The following TCF4 variants were observed in gnomAD, a reference collection of about 807,000 sequenced individuals.
TCF4 encodes the protein SL3-3 enhancer factor 2.
A neutral mutation model predicts 82.1 loss-of-function variants in TCF4; 3 were observed. The observed-to-expected ratio is 0.04, with a 90% confidence interval of 0.02 to 0.09. The LOEUF (loss-of-function observed/expected upper bound fraction) is 0.09. TCF4 is among the 10% of genes least tolerant of loss of function. The pLI is 1.00. For synonymous variants in TCF4, 276 were observed against 309.6 expected (o/e 0.89, Z 1.14); for missense variants, 518 against 852.7 (o/e 0.61, Z 4.89).
intron 3 of TCF4, among the ~76,000 whole-genome samples, chr18:55,549,812 G>C (rs550375096): frequency 2.0e-5 from 3 of 152,106 alleles, no homozygotes; most frequent in Non-Finnish European, 4.4e-5. Flanking sequence ...CTCCATTATA[G>C]TCTTATGGGA....
chr18:55,611,587 T>A (rs1040862885), intron 2 of TCF4, among the ~76,000 whole-genome samples: 4 of 152,316 alleles, frequency 2.6e-5, no homozygotes, highest in South Asian at 4.1e-4. Flanking sequence ...CCAGTAGGAT[T>A]TAAATCAGTG....
chr18:55,597,547 TC>T (rs1364754930), intron 2 of TCF4, among the ~76,000 whole-genome samples: 2 of 151,634 alleles, frequency 1.3e-5, no homozygotes, highest in East Asian at 3.9e-4. Context: ...TGTGCCTGTA[TC>T]CCCAGCTACT....
At chr18:55,350,616 A>G (rs1018244670) in intron 7 of TCF4, among the ~76,000 whole-genome samples, 7 of 152,108 alleles carry the variant, frequency 4.6e-5, no homozygotes, top group African/African-American at 1.7e-4. Flanking sequence ...TGCTACTTTG[A>G]TCTTTTAATA....
chr18:55,615,403 G>A (rs747122494), intron 2 of TCF4, among the ~76,000 whole-genome samples: 10 of 151,680 alleles, frequency 6.6e-5, no homozygotes, highest in Non-Finnish European at 1.5e-4. Context: ...CCTGAACCTG[G>A]CTAAACTCAA....
chr18:55,578,274 A>G (rs1170877609), intron 3 of TCF4, among the ~76,000 whole-genome samples: 3 of 152,092 alleles, frequency 2.0e-5, no homozygotes, highest in Non-Finnish European at 2.9e-5. Flanking sequence ...TTCCCTTCTT[A>G]AGAAATATAC....
intron 5 of TCF4, among the ~76,000 whole-genome samples, chr18:55,413,631 C>G (rs957007106): frequency 1.3e-5 from 2 of 151,940 alleles, no homozygotes; most frequent in East Asian, 3.9e-4. Context: ...CTCTCAATGA[C>G]TGAATCTAGG....
chr18:55,394,772 T>C (rs922972407), intron 6 of TCF4, among the ~76,000 whole-genome samples: 13 of 152,186 alleles, frequency 8.5e-5, no homozygotes, highest in South Asian at 2.1e-4. Context: ...ACGCTGAACA[T>C]GAAAGGTCCA....
intron 3 of TCF4, among the ~76,000 whole-genome samples, chr18:55,525,140 T>C (rs1000288470): frequency 1.3e-5 from 2 of 152,080 alleles, no homozygotes; most frequent in African/African-American, 4.8e-5. Context: ...TCTTAACTAC[T>C]ATATCAGATT....
chr18:55,476,858 T>G (rs1466023052), intron 3 of TCF4, among the ~76,000 whole-genome samples: 3 of 152,206 alleles, frequency 2.0e-5, no homozygotes, highest in Admixed American at 6.5e-5. Context: ...ACAATTCCAC[T>G]TCAGCCAAAT....
chr18:55,253,947 G>T (rs186503767), intron 15 of TCF4, among the ~76,000 whole-genome samples: 1 of 152,238 alleles, frequency 6.6e-6, no homozygotes. Flanking sequence ...ACTTAAACAT[G>T]AATATTTATA....
At chr18:55,386,359 G>A (rs945832889) in intron 6 of TCF4, among the ~76,000 whole-genome samples, 30 of 152,112 alleles carry the variant, frequency 2.0e-4, no homozygotes, top group African/African-American at 6.0e-4. Context: ...AGACCATTTC[G>A]TATTCTTTAC....
intron 5 of TCF4, among the ~76,000 whole-genome samples, chr18:55,424,532 T>TAAAACAAAACAAACAAAAAGCAC (rs1393757413): frequency 6.6e-5 from 10 of 152,192 alleles, no homozygotes; most frequent in African/African-American, 2.4e-4. Flanking sequence ...TTCCTTTCTT[T>TAAAACAAAACAAACAAAAAGCAC]AAAACAAAAC....
chr18:55,528,008 A>G (rs2097010567), intron 3 of TCF4, among the ~76,000 whole-genome samples: 1 of 152,224 alleles, frequency 6.6e-6, no homozygotes, highest in Non-Finnish European at 1.5e-5. Flanking sequence ...GGTAACCTTG[A>G]AACTCTTTTG....
intron 3 of TCF4, among the ~76,000 whole-genome samples, chr18:55,555,958 G>A (rs1184534180): frequency 2.0e-5 from 3 of 152,136 alleles, no homozygotes; most frequent in African/African-American, 4.8e-5. Context: ...CAAGAAGTCT[G>A]GTAAGAATGG....
intron 16 of TCF4, among the ~76,000 whole-genome samples, chr18:55,233,574 G>A (rs766425027): frequency 2.0e-5 from 3 of 152,080 alleles, no homozygotes; most frequent in Non-Finnish European, 2.9e-5. Context: ...CCAGCACTTC[G>A]GGAGGCTGAG....
chr18:55,239,012 G>A lies in TCF4; in HGVS notation c.1351-4329C>T, dbSNP rs191054354. 2.6e-3 allele frequency among the ~76,000 whole-genome samples: 392 copies of A among 152,238 alleles called. 6 individuals carry two copies. Among genetic ancestry groups the A allele is most frequent in the African/African-American group, 9.1e-3 (380 of 41,542 alleles). On this transcript the variant is annotated intron_variant, in intron 15 of 19. Transcript: ENST00000354452. ...AAACACAGGCGGCTTGGCCTGTCCC[G>A]TCCACATATTGACTGGTACATGTAG...
intron 8 of TCF4, among the ~76,000 whole-genome samples, chr18:55,316,521 A>G (rs2074180196): frequency 6.6e-6 from 1 of 152,082 alleles, no homozygotes. Context: ...ACAGTGTCTA[A>G]AATCCAACTA....
intron 15 of TCF4, among the ~76,000 whole-genome samples, chr18:55,246,085 A>C (rs2053055914): frequency 6.6e-6 from 1 of 152,182 alleles, no homozygotes; most frequent in South Asian, 2.1e-4. Context: ...GGATAGTTTA[A>C]GATTATGTCC....
chr18:55,583,762 AAC>A (rs3077738), intron 3 of TCF4, among the ~76,000 whole-genome samples: 20,402 of 152,078 alleles, frequency 0.13, 1,797 homozygotes, highest in Admixed American at 0.27. Context: ...TACTGTCAAA[AAC>A]AGTTAGTTTT....
Sources: allele counts gnomAD v4.1 joint callset (sites outside exome capture counted in the v4.1 genomes callset), GRCh38; gene constraint gnomAD v4.1.1; transcripts MANE v1.5; gene names NCBI Gene and HGNC (gene_info 2026-07-23, HGNC 2026-07-21).